RAP1GDS1: variants seen among roughly 807,000 people sequenced by gnomAD.
RAP1GDS1 encodes Rap1 GTPase-GDP dissociation stimulator 1.
In RAP1GDS1, 35 loss-of-function variants were observed where a neutral mutation model predicts 71.1. The observed-to-expected ratio is 0.49, with a 90% confidence interval of 0.38 to 0.65. The LOEUF (loss-of-function observed/expected upper bound fraction) is 0.65. RAP1GDS1 is among the 30% of genes least tolerant of loss of function. The pLI, the probability that RAP1GDS1 is intolerant of heterozygous loss-of-function variation, is 0.00. For synonymous variants in RAP1GDS1, 229 were observed against 243.1 expected (o/e 0.94, Z 0.54); for missense variants, 663 against 706.1 (o/e 0.94, Z 0.69).
intron 2 of RAP1GDS1, among the ~76,000 whole-genome samples, chr4:98,296,112 C>G (rs970173037): frequency 1.3e-5 from 2 of 151,846 alleles, no homozygotes; most frequent in Admixed American, 6.6e-5. Flanking sequence ...GGTGTTTTAA[C>G]TAAAAATAAC....
intron 1 of RAP1GDS1, among the ~76,000 whole-genome samples, chr4:98,273,322 T>C (rs1040193428): frequency 6.6e-6 from 1 of 152,176 alleles, no homozygotes; most frequent in African/African-American, 2.4e-5. Context: ...TTCGAGCATC[T>C]AACAGCAAAT....
chr4:98,428,915 A>G (rs1749997701), intron 12 of RAP1GDS1, among the ~76,000 whole-genome samples: 2 of 152,220 alleles, frequency 1.3e-5, no homozygotes, highest in African/African-American at 4.8e-5. Context: ...ACAATTCACA[A>G]TTGGAAAAAT....
At chr4:98,297,465 T>G (rs1011721230) in intron 2 of RAP1GDS1, among the ~76,000 whole-genome samples, 1 of 152,206 alleles carries the variant, frequency 6.6e-6, no homozygotes, top group Admixed American at 6.5e-5. Context: ...TGTGCTTACT[T>G]TGTGTATCTG....
chr4:98,308,325 A>ATATATATATATG (rs1729688691), intron 2 of RAP1GDS1, among the ~76,000 whole-genome samples: 1 of 133,954 alleles, frequency 7.5e-6, no homozygotes, highest in African/African-American at 2.9e-5. Flanking sequence ...ATATATATAT[A>ATATATATATATG]TATATATGCG....
intron 1 of RAP1GDS1, among the ~76,000 whole-genome samples, chr4:98,266,408 A>G (rs1722719637): frequency 6.6e-6 from 1 of 152,078 alleles, no homozygotes; most frequent in African/African-American, 2.4e-5. Context: ...AGACTTCTTT[A>G]GATTATAGGT....
At chr4:98,346,914 CA>C (rs1158366653) in intron 3 of RAP1GDS1, among the ~76,000 whole-genome samples, 10 of 152,228 alleles carry the variant, frequency 6.6e-5, no homozygotes, top group African/African-American at 2.4e-4. Flanking sequence ...TGACAACCCA[CA>C]TATAAAAGTC....
intron 2 of RAP1GDS1, among the ~76,000 whole-genome samples, chr4:98,308,277 C>T (rs1329688879): frequency 7.8e-6 from 1 of 128,790 alleles, no homozygotes; most frequent in African/African-American, 3.0e-5. Flanking sequence ...CACCCACACA[C>T]ATATATATAC....
chr4:98,420,889 A>T (rs750751147), intron 11 of RAP1GDS1, among the ~76,000 whole-genome samples: 2 of 152,222 alleles, frequency 1.3e-5, no homozygotes, highest in Non-Finnish European at 2.9e-5. Context: ...CAGAAACAGC[A>T]GTCAGAACCA....
At chr4:98,435,796 T>C (rs1751041891) in intron 13 of RAP1GDS1, among the ~76,000 whole-genome samples, 1 of 152,054 alleles carries the variant, frequency 6.6e-6, no homozygotes, top group Non-Finnish European at 1.5e-5. Context: ...TGAGTTAATA[T>C]CGGTATAAGT....
intron 4 of RAP1GDS1, among the ~76,000 whole-genome samples, chr4:98,364,890 G>A (rs554466534): frequency 3.9e-5 from 6 of 152,052 alleles, no homozygotes; most frequent in African/African-American, 9.6e-5. Flanking sequence ...TTAGCCTGGC[G>A]TGGTGGCACA....
chr4:98,357,988 A>C (rs1034557953), intron 4 of RAP1GDS1, among the ~76,000 whole-genome samples: 3 of 152,200 alleles, frequency 2.0e-5, no homozygotes, highest in Admixed American at 2.0e-4. Context: ...CAGAAGCCAT[A>C]TAAAGAGAGG....
intron 1 of RAP1GDS1, among the ~76,000 whole-genome samples, chr4:98,261,899 G>C (rs889696715): frequency 4.6e-5 from 7 of 152,152 alleles, no homozygotes; most frequent in African/African-American, 1.7e-4. Context: ...CGCATCTGCA[G>C]CTCCATCCCC....
chr4:98,379,116 T>C lies in RAP1GDS1; in HGVS notation c.461T>C (p.Leu154Pro), dbSNP rs747210055. 5 of 1,609,860 alleles carry C rather than the reference T, an allele frequency of 3.1e-6. No homozygotes were observed. In the Admixed American group the frequency reaches 5.1e-5, roughly 16 times the overall value. The change falls in exon 5 of 15, where the codon CTC (leucine) becomes CCC (proline). Residue 154 changes from leucine (L) to proline (P), a missense_variant. By Grantham distance (98) the Leu-to-Pro change is moderately conservative (BLOSUM62 -3). Coordinates refer to ENST00000408927, the MANE Select transcript of RAP1GDS1 (RefSeq NM_001100427.2). The stretch of plus-strand genomic sequence containing the variant: ...ATAACAGATCCCGCCAATGAGAAGC[T>C]CTTGACTGTCTTTTGTGGCATGCTG... The part of the protein sequence containing the change: ...CSITDPANEK[L>P]LTVFCGMLMN...
At chr4:98,416,956 T>C (rs1033589610) in intron 8 of RAP1GDS1, 68 bp downstream of exon 8, 1 of 1,515,304 alleles carries the variant, frequency 6.6e-7, no homozygotes, top group Non-Finnish European at 9.0e-7. Flanking sequence ...TTGTCTCTTC[T>C]GTAAATACTA....
chr4:98,440,360 T>G (rs1025965810), intron 14 of RAP1GDS1, among the ~76,000 whole-genome samples: 2 of 152,240 alleles, frequency 1.3e-5, no homozygotes, highest in African/African-American at 4.8e-5. Flanking sequence ...GTGGAATTAC[T>G]AGATCATATG....
intron 7 of RAP1GDS1, among the ~76,000 whole-genome samples, chr4:98,415,401 T>G (rs530717995): frequency 6.6e-6 from 1 of 152,310 alleles, no homozygotes; most frequent in South Asian, 2.1e-4. Flanking sequence ...ATAACAGGAT[T>G]AAGAGATTAA....
chr4:98,280,238 A>G (rs370381984), intron 1 of RAP1GDS1, among the ~76,000 whole-genome samples: 9 of 152,114 alleles, frequency 5.9e-5, no homozygotes, highest in East Asian at 3.9e-4. Context: ...GTGTAAAAGC[A>G]TTCTTATTTC....
At chr4:98,366,538 T>C (rs182476773) in intron 4 of RAP1GDS1, among the ~76,000 whole-genome samples, 10 of 152,226 alleles carry the variant, frequency 6.6e-5, no homozygotes, top group East Asian at 5.8e-4. Flanking sequence ...TAGGAAGAGA[T>C]TGGAGCAGTT....
chr4:98,261,627 G>A (rs375829153), intron 1 of RAP1GDS1, 58 bp downstream of exon 1: 2 of 1,562,082 alleles, frequency 1.3e-6, no homozygotes, highest in Non-Finnish European at 1.8e-6. Context: ...TCGGCGTGCT[G>A]CAGGGTGGGA....
Sources: allele counts gnomAD v4.1 joint callset (sites outside exome capture counted in the v4.1 genomes callset), GRCh38; gene constraint gnomAD v4.1.1; transcripts MANE v1.5; gene names NCBI Gene and HGNC (gene_info 2026-07-23, HGNC 2026-07-21).